The following CMSS1 variants were observed in gnomAD, a reference collection of about 807,000 sequenced individuals.
CMSS1 encodes cms1 ribosomal small subunit homolog.
A neutral mutation model predicts 43.5 loss-of-function variants in CMSS1; 33 were observed. That is an observed-to-expected ratio of 0.76 (90% confidence interval 0.57 to 1.01). The LOEUF is 1.01. Ranked by LOEUF, CMSS1 falls within the 50% of genes least tolerant of loss-of-function variation. The pLI, the probability that CMSS1 is intolerant of heterozygous loss-of-function variation, is 0.00. For missense variants in CMSS1, 313 were observed against 326.4 expected (o/e 0.96, Z 0.32); for synonymous variants, 115 against 117.2 (o/e 0.98, Z 0.12).
chr3:100,095,491 C>T (rs2066189234), intron 1 of CMSS1, among the ~76,000 whole-genome samples: 1 of 152,012 alleles, frequency 6.6e-6, no homozygotes, highest in Admixed American at 6.6e-5. Flanking sequence ...TTAATTTTGA[C>T]AGTCATACCG....
intron 1 of CMSS1, among the ~76,000 whole-genome samples, chr3:99,910,672 T>C (rs1706759737): frequency 8.3e-6 from 1 of 121,132 alleles, no homozygotes. Context: ...AAATAAACAT[T>C]TTATGGGGTT....
chr3:99,830,498 A>G (rs1213948371), intron 1 of CMSS1: 1 of 456,698 alleles, frequency 2.2e-6, no homozygotes, highest in Admixed American at 2.3e-5. Flanking sequence ...TTTGGTAAAT[A>G]GGCTTATCCA....
chr3:100,104,365 G>A (rs1426004629), intron 1 of CMSS1, among the ~76,000 whole-genome samples: 1 of 152,178 alleles, frequency 6.6e-6, no homozygotes, highest in African/African-American at 2.4e-5. Context: ...AGTTGTCTTT[G>A]TTTATTCAAT....
intron 1 of CMSS1, among the ~76,000 whole-genome samples, chr3:100,101,233 A>G (rs2066299574): frequency 6.6e-6 from 1 of 152,174 alleles, no homozygotes; most frequent in Non-Finnish European, 1.5e-5. Context: ...GTAATGTCCT[A>G]CTTTCCTTTA....
At chr3:100,167,209 T>C (rs2067072765) in intron 5 of CMSS1, among the ~76,000 whole-genome samples, 1 of 152,190 alleles carries the variant, frequency 6.6e-6, no homozygotes, top group Non-Finnish European at 1.5e-5. Flanking sequence ...CATAAACCTT[T>C]CTCAGCTTCA....
chr3:100,161,080 GTATGGTTAGC>G (rs1168884130), intron 3 of CMSS1, among the ~76,000 whole-genome samples: 1 of 152,172 alleles, frequency 6.6e-6, no homozygotes, highest in South Asian at 2.1e-4. Context: ...CTTGGAGAAA[GTATGGTTAGC>G]TATGACCTTC....
At chr3:99,872,643 T>G (rs1268664107) in intron 1 of CMSS1, among the ~76,000 whole-genome samples, 1 of 152,054 alleles carries the variant, frequency 6.6e-6, no homozygotes, top group Non-Finnish European at 1.5e-5. Flanking sequence ...TTTATCATAT[T>G]TTGGAGCCAG....
At chr3:99,940,251 T>C (rs1005241472) in intron 1 of CMSS1, among the ~76,000 whole-genome samples, 4 of 152,248 alleles carry the variant, frequency 2.6e-5, no homozygotes, top group Non-Finnish European at 5.9e-5. Flanking sequence ...TATTTTTATG[T>C]AGTCCAAGTT....
At chr3:100,168,559 A>G (rs561001816) in intron 6 of CMSS1, among the ~76,000 whole-genome samples, 1 of 152,184 alleles carries the variant, frequency 6.6e-6, no homozygotes, top group South Asian at 2.1e-4. Flanking sequence ...AATACCATGG[A>G]ATATACTTAC....
rs1942417669 is a variant in CMSS1 at position 99,820,618 on chromosome 3, T to C, written c.64+2575T>C. ...ATATCCTTGATTATTCACTGGCAAT[T>C]TGCCTAATTGTAATCTGTACAGCGT... On this transcript the variant is annotated intron_variant, in intron 1 of 9. Transcript: ENST00000421999. Among the ~76,000 whole-genome samples, 3 of 152,248 alleles carry C rather than the reference T, an allele frequency of 2.0e-5. No individual in the cohort carries two copies. The South Asian group carries it at 6.2e-4, about 32-fold the overall frequency.
At chr3:100,035,124 T>C (rs1196215654) in intron 1 of CMSS1, among the ~76,000 whole-genome samples, 1 of 152,204 alleles carries the variant, frequency 6.6e-6, no homozygotes, top group Non-Finnish European at 1.5e-5. Context: ...CCAAATTGTA[T>C]GTGTTTCAAG....
intron 1 of CMSS1, among the ~76,000 whole-genome samples, chr3:99,877,798 T>C (rs1217392749): frequency 6.6e-6 from 1 of 152,218 alleles, no homozygotes; most frequent in Non-Finnish European, 1.5e-5. Flanking sequence ...ATGACTTTTA[T>C]GAAAGTTGTA....
chr3:100,156,405 T>C (rs2066974377), intron 2 of CMSS1, among the ~76,000 whole-genome samples: 1 of 144,192 alleles, frequency 6.9e-6, no homozygotes, highest in Admixed American at 7.4e-5. Flanking sequence ...GCCTCCCAGG[T>C]TCAAGAGATT....
chr3:99,832,776 G>T (rs1450286744), intron 1 of CMSS1, among the ~76,000 whole-genome samples: 2 of 145,508 alleles, frequency 1.4e-5, no homozygotes, highest in African/African-American at 2.5e-5. Context: ...CGAGGCGGAG[G>T]TTGCAGTGAG....
chr3:99,876,311 C>A, intron 1 of CMSS1: 1 of 578,390 alleles, frequency 1.7e-6, no homozygotes, highest in Non-Finnish European at 2.2e-6. Flanking sequence ...CGCAGCCACA[C>A]ACCCCAGCTC....
At chr3:100,000,994 G>C (rs1431414272) in intron 1 of CMSS1, among the ~76,000 whole-genome samples, 1 of 152,166 alleles carries the variant, frequency 6.6e-6, no homozygotes, top group Admixed American at 6.5e-5. Context: ...GTTACTGGGT[G>C]ATAGATTTTT....
At chr3:99,889,914 A>G (rs1706030317) in intron 1 of CMSS1, among the ~76,000 whole-genome samples, 1 of 152,080 alleles carries the variant, frequency 6.6e-6, no homozygotes, top group Admixed American at 6.6e-5. Context: ...ATAGGACATT[A>G]TAATCTATTA....
chr3:99,999,834 AAAAAC>A lies in CMSS1; in HGVS notation c.65-147122_65-147118del, dbSNP rs1202963835. ...CATCCAGTTAATCTGCTAGATTTAA[AAAAAC>A]AAAACAAAACAAAACATGCCATGCT... On this transcript the variant is annotated intron_variant, in intron 1 of 9. Coordinates refer to ENST00000421999, the MANE Select transcript of CMSS1 (RefSeq NM_032359.4). Among the ~76,000 whole-genome samples, 15 of 152,348 alleles carry A rather than the reference AAAAAC, an allele frequency of 9.8e-5. 1 individual carries two copies. The East Asian group carries it at 2.5e-3, about 25-fold the overall frequency.
At position 100,178,376 on chromosome 3, in the gene CMSS1, G is replaced by A; in HGVS notation, c.828G>A (p.Leu276=). Residue 276 remains leucine (L), a synonymous_variant, in exon 10 of 10, where the codon CTG becomes CTA. Coordinates refer to ENST00000421999, the MANE Select transcript of CMSS1 (RefSeq NM_032359.4). ...LSLCKSESLK[L]GLF ...TGTGCAAGTCAGAATCCTTGAAACT[G>A]GGCCTTTTCTAAGTCTGTGTCCTAA... 1.2e-6 allele frequency: 2 copies of A among 1,610,598 alleles called. No homozygotes were observed. The highest frequency in any genetic ancestry group is 1.7e-6 in the Non-Finnish European group (2 of 1,177,068).
Sources: gnomAD v4.1 joint callset for allele counts (sites outside exome capture counted in the v4.1 genomes callset) on GRCh38, gnomAD v4.1.1 for gene constraint, MANE v1.5 for transcripts, NCBI Gene and HGNC (gene_info 2026-07-23, HGNC 2026-07-21) for gene names.